The following AIG1 variants were observed in gnomAD, a reference collection of about 807,000 sequenced individuals.
AIG1 encodes the protein androgen-induced gene 1 protein.
A neutral mutation model predicts 31.4 loss-of-function variants in AIG1; 23 were observed. That is an observed-to-expected ratio of 0.73 (90% confidence interval 0.53 to 1.04). The LOEUF (loss-of-function observed/expected upper bound fraction) is 1.04. Ranked by LOEUF, AIG1 falls within the 50% of genes least tolerant of loss-of-function variation. AIG1 has a pLI of 0.00. For synonymous variants in AIG1, 100 were observed against 110.5 expected (o/e 0.90, Z 0.60); for missense variants, 274 against 295.0 (o/e 0.93, Z 0.52).
chr6:143,249,510 T>C (rs370397243), intron 3 of AIG1, among the ~76,000 whole-genome samples: 29 of 152,272 alleles, frequency 1.9e-4, no homozygotes, highest in African/African-American at 4.1e-4. Flanking sequence ...GACAGGACAG[T>C]AGCTCCTTTC....
chr6:143,324,674 G>A (rs1288261277), intron 4 of AIG1, among the ~76,000 whole-genome samples: 1 of 152,162 alleles, frequency 6.6e-6, no homozygotes, highest in Non-Finnish European at 1.5e-5. Flanking sequence ...CTCATATAAA[G>A]CCTTTAGCAC....
At chr6:143,227,074 A>G (rs1187876509) in intron 3 of AIG1, among the ~76,000 whole-genome samples, 1 of 149,216 alleles carries the variant, frequency 6.7e-6, no homozygotes, top group Non-Finnish European at 1.5e-5. Flanking sequence ...TCTTCTTCCA[A>G]TGTGGCCCAG....
chr6:143,184,844 GTGGAAAGA>G (rs993891797), intron 3 of AIG1, among the ~76,000 whole-genome samples: 54 of 152,294 alleles, frequency 3.5e-4, no homozygotes, highest in African/African-American at 1.3e-3. Flanking sequence ...TCCGGGTCTT[GTGGAAAGA>G]TGGTCAGCTA....
intron 3 of AIG1, among the ~76,000 whole-genome samples, chr6:143,177,812 G>A (rs1337486313): frequency 6.6e-6 from 1 of 152,204 alleles, no homozygotes; most frequent in South Asian, 2.1e-4. Flanking sequence ...TGGACAGCTG[G>A]TCCTTGGGTC....
In AIG1 at chr6:143,215,607, C is replaced by T. The variant is rs78809044; in HGVS notation, c.399+50424C>T. Reference sequence around the variant, plus strand: ...CCAGTGTCTACTTTTTCTCTTTCTTCGGGCCTGGATTTGAGATATTTAGAT... The same window carrying T: ...CCAGTGTCTACTTTTTCTCTTTCTTTGGGCCTGGATTTGAGATATTTAGAT... On this transcript the variant is annotated intron_variant, in intron 3 of 5. Transcript: ENST00000357847. 9.9e-3 allele frequency among the ~76,000 whole-genome samples: 1,505 copies of T among 152,176 alleles called. 14 individuals are homozygous for T. The highest frequency in any genetic ancestry group is 0.026 in the African/African-American group (1,098 of 41,476).
intron 4 of AIG1, among the ~76,000 whole-genome samples, chr6:143,310,187 T>C: frequency 6.6e-6 from 1 of 151,884 alleles, no homozygotes; most frequent in Non-Finnish European, 1.5e-5. Flanking sequence ...AAAAGCAGAC[T>C]ACACATTCCA....
intron 2 of AIG1, among the ~76,000 whole-genome samples, chr6:143,145,017 T>C (rs1458364677): frequency 6.6e-6 from 1 of 152,166 alleles, no homozygotes; most frequent in East Asian, 1.9e-4. Context: ...TATTGCTCAG[T>C]ATTTTCATAT....
chr6:143,108,685 T>C (rs1391917348), intron 1 of AIG1, among the ~76,000 whole-genome samples: 2 of 152,200 alleles, frequency 1.3e-5, no homozygotes, highest in African/African-American at 4.8e-5. Flanking sequence ...CTTTCTAAGA[T>C]GTTTATAGTT....
In AIG1 at chr6:143,326,733, G is replaced by T. The variant is rs1776643601; in HGVS notation, c.516-6549G>T. On this transcript the variant is annotated intron_variant, in intron 4 of 5. Transcript: ENST00000357847. This position sits in a 1 kb window ranked among gnomAD's most constrained non-coding sequence, Gnocchi z 4.5. Reference sequence around the variant, plus strand: ...GTACCAGTTGAGCTAATATAGAAAAGATACATATAACCTAATTATTCTAAG... The same window carrying T: ...GTACCAGTTGAGCTAATATAGAAAATATACATATAACCTAATTATTCTAAG... 6.6e-6 allele frequency among the ~76,000 whole-genome samples: 1 copy of T among 152,120 alleles called. No individual in the cohort carries two copies. Among genetic ancestry groups the T allele is most frequent in the Non-Finnish European group, 1.5e-5 (1 of 68,010 alleles).
chr6:143,173,103 T>G (rs1787796469), intron 3 of AIG1, among the ~76,000 whole-genome samples: 3 of 152,270 alleles, frequency 2.0e-5, no homozygotes, highest in African/African-American at 7.2e-5. Flanking sequence ...TTGCCCAGGC[T>G]AGAGTGCAGT....
downstream of AIG1, among the ~76,000 whole-genome samples, chr6:143,341,751 T>C (rs1370408941): frequency 1.3e-5 from 2 of 152,218 alleles, no homozygotes; most frequent in East Asian, 1.9e-4. Flanking sequence ...CATTTTGCTA[T>C]GTCAGTAACA....
At chr6:143,251,140 C>T (rs1336436546) in intron 3 of AIG1, among the ~76,000 whole-genome samples, 1 of 152,172 alleles carries the variant, frequency 6.6e-6, no homozygotes, top group Non-Finnish European at 1.5e-5. Context: ...GAGACCTGTG[C>T]CTCCTGGGTG....
chr6:143,313,904 A>T (rs1775515635), intron 4 of AIG1, among the ~76,000 whole-genome samples: 1 of 152,142 alleles, frequency 6.6e-6, no homozygotes, highest in South Asian at 2.1e-4. Context: ...TAACATGTTT[A>T]AACTAAGAAG....
At position 143,084,109 on chromosome 6, in the gene AIG1, C is replaced by T. The variant is rs550490520; in HGVS notation, c.141+23043C>T. 2.6e-5 allele frequency among the ~76,000 whole-genome samples: 4 copies of T among 152,260 alleles called. No homozygotes were observed. In the East Asian group the frequency reaches 7.7e-4, roughly 29 times the overall value. The stretch of plus-strand genomic sequence containing the variant: ...GGAGAGTAAGACTGAGAAGGCCGCA[C>T]CAGTGTCCAGGAGACAGTTAACCTT... On this transcript the variant is annotated intron_variant, in intron 1 of 5. Coordinates refer to ENST00000357847, the MANE Select transcript of AIG1 (RefSeq NM_016108.4).
At position 143,314,091 on chromosome 6, in the gene AIG1, A is replaced by G. The variant is rs536811375; in HGVS notation, c.516-19191A>G. Among the ~76,000 whole-genome samples, 9 of 150,852 alleles carry G rather than the reference A, an allele frequency of 6.0e-5. No homozygotes were observed. The South Asian group carries it at 1.7e-3, about 28-fold the overall frequency. On this transcript the variant is annotated intron_variant, in intron 4 of 5. Transcript: ENST00000357847. ...GGGCTGGGCACAGTGGTTCACAACT[A>G]TAATCCTTGCACTTTAGAAGGCCAG...
chr6:143,189,104 C>T, intron 3 of AIG1: 1 of 783,566 alleles, frequency 1.3e-6, no homozygotes, highest in Non-Finnish European at 1.5e-6. Context: ...TACACAGTGG[C>T]ACTATCATGG....
intron 3 of AIG1, among the ~76,000 whole-genome samples, chr6:143,243,705 C>G (rs1794416868): frequency 6.6e-6 from 1 of 152,136 alleles, no homozygotes; most frequent in African/African-American, 2.4e-5. Context: ...ATGAATTGAT[C>G]AAGAAGAAAA....
intron 1 of AIG1, among the ~76,000 whole-genome samples, chr6:143,111,878 T>A (rs955159286): frequency 3.9e-5 from 6 of 152,140 alleles, no homozygotes; most frequent in African/African-American, 1.4e-4. Flanking sequence ...GACCCTCTTC[T>A]CTATATCTCT....
chr6:143,063,664 T>G (rs1485322216), intron 1 of AIG1, among the ~76,000 whole-genome samples: 1 of 152,216 alleles, frequency 6.6e-6, no homozygotes, highest in Non-Finnish European at 1.5e-5. Flanking sequence ...AGTCTAAGTT[T>G]ATTGGAGTAA....
Sources: gnomAD v4.1 joint callset for allele counts (sites outside exome capture counted in the v4.1 genomes callset) on GRCh38, gnomAD v4.1.1 for gene constraint, Gnocchi (gnomAD v3.1) non-coding constraint, MANE v1.5 for transcripts, NCBI Gene and HGNC (gene_info 2026-07-23, HGNC 2026-07-21) for gene names.